Variants in UNC79 observed in about 807,000 individuals in gnomAD.
UNC79 encodes protein unc-79 homolog.
Under a neutral mutation model 283.1 loss-of-function variants are expected in UNC79, and 37 were observed. The observed-to-expected ratio is 0.13, with a 90% CI of 0.10 to 0.17. The LOEUF (loss-of-function observed/expected upper bound fraction) is 0.17, where lower values mean the gene tolerates loss of function less well. UNC79 is among the 10% of genes least tolerant of loss of function. The probability of loss-of-function intolerance (pLI) is 1.00; values close to 1 mark genes in which losing one functional copy is unlikely to be tolerated. For missense variants in UNC79, 2,272 were observed against 3,211.1 expected (o/e 0.71, Z 7.07); for synonymous variants, 1,107 against 1,200.2 (o/e 0.92, Z 1.61).
At chr14:93,576,178 A>G (rs998568735) in intron 17 of UNC79, among the ~76,000 whole-genome samples, 3 of 152,148 alleles carry the variant, frequency 2.0e-5, no homozygotes, top group African/African-American at 7.2e-5. Flanking sequence ...TTTTACAACT[A>G]CCTAACCTGA....
At chr14:93,644,547 G>C (rs935587168) in intron 34 of UNC79, among the ~76,000 whole-genome samples, 1 of 152,136 alleles carries the variant, frequency 6.6e-6, no homozygotes, top group African/African-American at 2.4e-5. Flanking sequence ...AAATAAGATA[G>C]GGTGTGATTA....
At chr14:93,495,841 A>C (rs887349192) in intron 5 of UNC79, among the ~76,000 whole-genome samples, 7 of 152,222 alleles carry the variant, frequency 4.6e-5, no homozygotes, top group African/African-American at 1.7e-4. Context: ...TAGGCAAATC[A>C]AGGAAGCTTG....
At chr14:93,379,818 A>T (rs1595407939) in intron 1 of UNC79, among the ~76,000 whole-genome samples, 1 of 152,132 alleles carries the variant, frequency 6.6e-6, no homozygotes, top group Non-Finnish European at 1.5e-5. Context: ...GAACTTTTCC[A>T]TGTAACCAAA....
chr14:93,690,472 C>A lies in UNC79; in HGVS notation c.7272+169C>A. 2.8e-6 allele frequency: 2 copies of A among 708,074 alleles called. No homozygotes were observed. The highest frequency in any genetic ancestry group is 4.2e-6 in the Non-Finnish European group (2 of 474,846). 43.9% of individuals were successfully genotyped at this position (708,074 alleles called of 1,614,324 possible). A position where few individuals can be genotyped will look rare whatever the true frequency, so the allele number is the denominator to read the frequency against. ...GTCTTATTTAAAGTTGTTTAGATTCCCAGACTGTCTTTCCCCCCGCCCCCA... is the reference window on the plus strand; with the variant it reads ...GTCTTATTTAAAGTTGTTTAGATTCACAGACTGTCTTTCCCCCCGCCCCCA... On this transcript the variant is annotated intron_variant, in intron 45 of 48. Coordinates refer to ENST00000555664, the Ensembl canonical transcript of UNC79. The surrounding 1 kb of genome is among the most constrained non-coding windows in gnomAD (Gnocchi z 4.3).
At chr14:93,615,329 AC>A (rs1051175559) in intron 27 of UNC79, among the ~76,000 whole-genome samples, 4 of 152,068 alleles carry the variant, frequency 2.6e-5, no homozygotes, top group Admixed American at 2.6e-4. Context: ...TGGATGGATC[AC>A]CGCTTTTTCT....
At chr14:93,347,167 G>A in intron 1 of UNC79, 1 of 1,390,300 alleles carries the variant, frequency 7.2e-7, no homozygotes. Flanking sequence ...CGTGGCTGGG[G>A]CGCCTGCGCA....
At chr14:93,496,368 G>T in intron 5 of UNC79, 43 bp from the exon 6 acceptor site, 1 of 1,314,460 alleles carries the variant, frequency 7.6e-7, no homozygotes, top group East Asian at 2.6e-5. Flanking sequence ...TGTTTTGTCT[G>T]GTATTTACAT....
chr14:93,634,821 A>T (rs945821783), intron 31 of UNC79, among the ~76,000 whole-genome samples, 184 bp downstream of exon 34: 1 of 152,194 alleles, frequency 6.6e-6, no homozygotes, highest in Non-Finnish European at 1.5e-5. Context: ...CTAGAGTGAC[A>T]CGCTCTTCCG....
chr14:93,488,563 GA>G (rs2058564849), intron 5 of UNC79, among the ~76,000 whole-genome samples: 1 of 152,040 alleles, frequency 6.6e-6, no homozygotes, highest in Non-Finnish European at 1.5e-5. Context: ...TCAGAATGAG[GA>G]AAAATTTTTT....
chr14:93,659,291 T>C (rs1318089401), intron 39 of UNC79, 30 bp downstream of exon 42: 1 of 1,575,576 alleles, frequency 6.3e-7, no homozygotes, highest in South Asian at 1.2e-5. Flanking sequence ...ACATAACCAA[T>C]TGGTTAGTCA....
intron 14 of UNC79, among the ~76,000 whole-genome samples, chr14:93,554,339 C>G (rs2062045792): frequency 7.2e-6 from 1 of 139,378 alleles, no homozygotes; most frequent in Admixed American, 7.4e-5. Flanking sequence ...CTGGCTGAAG[C>G]AAGACTCTGT....
intron 4 of UNC79, among the ~76,000 whole-genome samples, chr14:93,483,534 T>A (rs949363568): frequency 1.6e-4 from 23 of 147,326 alleles, no homozygotes; most frequent in East Asian, 4.1e-4. Flanking sequence ...TTTTTTTTTT[T>A]AATTATACTT....
chr14:93,646,496 A>T, intron 34 of UNC79, 112 bp from the exon 38 acceptor site: 6 of 1,017,254 alleles, frequency 5.9e-6, no homozygotes, highest in Non-Finnish European at 8.9e-6. Context: ...TGTCAACATT[A>T]TACATGTCTC....
At chr14:93,434,747 G>A (rs1422990046) in intron 1 of UNC79, among the ~76,000 whole-genome samples, 1 of 152,212 alleles carries the variant, frequency 6.6e-6, no homozygotes, top group Admixed American at 6.5e-5. Context: ...AGTTATAGTT[G>A]TTGTGAAGAT....
intron 1 of UNC79, among the ~76,000 whole-genome samples, chr14:93,408,085 A>G (rs1256656012): frequency 2.0e-5 from 3 of 152,240 alleles, no homozygotes; most frequent in African/African-American, 7.2e-5. Flanking sequence ...ATTAATGGCA[A>G]GAAAAAACAC....
At chr14:93,518,309 T>A (rs2060165770) in intron 7 of UNC79, among the ~76,000 whole-genome samples, 1 of 151,938 alleles carries the variant, frequency 6.6e-6, no homozygotes, top group Non-Finnish European at 1.5e-5. Flanking sequence ...TTTATTGAGT[T>A]ATAGTGAGTT....
Position 93,383,050 on chromosome 14 carries a change from G to A in UNC79, c.-351+49527G>A, listed in dbSNP as rs541645324. Among the ~76,000 whole-genome samples the A allele has an allele frequency of 1.1e-4, 16 of 152,242 alleles. No homozygotes were observed. In the South Asian group the frequency reaches 3.3e-3, roughly 32 times the overall value. ...AGGCTAAAGAAAGAATATTTAGCTG[G>A]GATAGAAAATCAAGTAGAACCTCTT... is the stretch of plus-strand genomic sequence containing the variant. On this transcript the variant is annotated intron_variant, in intron 1 of 49. Transcript: ENST00000256339.
chr14:93,483,196 G>C (rs192949107), intron 4 of UNC79, among the ~76,000 whole-genome samples: 11 of 152,104 alleles, frequency 7.2e-5, no homozygotes, highest in African/African-American at 2.7e-4. Context: ...ACCTTCCATC[G>C]CTTTCTCTTT....
chr14:93,599,575 T>C (rs537515770), intron 24 of UNC79, among the ~76,000 whole-genome samples: 30 of 152,218 alleles, frequency 2.0e-4, no homozygotes, highest in Non-Finnish European at 2.8e-4. Context: ...GGTACTTCTA[T>C]GTCCTACCCC....
Sources: gnomAD v4.1 joint callset for allele counts (sites outside exome capture counted in the v4.1 genomes callset) on GRCh38, gnomAD v4.1.1 for gene constraint, Gnocchi (gnomAD v3.1) non-coding constraint, MANE v1.5 for transcripts, NCBI Gene and HGNC (gene_info 2026-07-23, HGNC 2026-07-21) for gene names.